MAML2: variants seen among roughly 807,000 people sequenced by gnomAD.
The protein encoded by MAML2 is mastermind like transcriptional coactivator 2, also known as mastermind-like protein 2.
In MAML2, 22 loss-of-function variants were observed where a neutral mutation model predicts 96.1. The ratio of observed to expected loss-of-function variants is 0.23; its 90% CI spans 0.16 to 0.33. The LOEUF (loss-of-function observed/expected upper bound fraction) is 0.33. Ranked by LOEUF, MAML2 falls within the 10% of genes least tolerant of loss-of-function variation. The pLI is 1.00. For synonymous variants in MAML2, 561 were observed against 521.3 expected (o/e 1.08, Z -1.04); for missense variants, 1,367 against 1,392.4 (o/e 0.98, Z 0.29).
At chr11:95,994,432 G>A (rs1857960220) in intron 2 of MAML2, among the ~76,000 whole-genome samples, 2 of 152,292 alleles carry the variant, frequency 1.3e-5, no homozygotes, top group South Asian at 4.2e-4. Context: ...ACAAGTACTT[G>A]AGGGTCATTG....
intron 1 of MAML2, among the ~76,000 whole-genome samples, chr11:96,328,850 T>C (rs1863818968): frequency 6.6e-6 from 1 of 152,196 alleles, no homozygotes; most frequent in Admixed American, 6.5e-5. Context: ...GGCAGTGGAT[T>C]GAATTCCCCT....
At position 96,320,311 on chromosome 11, in the gene MAML2, G is replaced by A. The variant is rs1863683685; in HGVS notation, c.513+21072C>T. Among the ~76,000 whole-genome samples the A allele has an allele frequency of 3.9e-5, 6 of 152,314 alleles. No homozygotes were observed. The South Asian group carries it at 1.2e-3, about 32-fold the overall frequency. On this transcript the variant is annotated intron_variant, in intron 1 of 4. Coordinates refer to ENST00000524717, the MANE Select transcript of MAML2 (RefSeq NM_032427.4). ...GGGTCTGCTGACACACTGGGAGGCT[G>A]GAGTAAGGGAGTCATTAGACATGAA...
chr11:96,093,596 T>A (rs916860328), intron 1 of MAML2, 79 bp from the exon 2 acceptor site: 8 of 1,067,694 alleles, frequency 7.5e-6, no homozygotes, highest in Non-Finnish European at 4.1e-6. Context: ...TGATGTGATA[T>A]TTAAATGTTT....
intron 2 of MAML2, among the ~76,000 whole-genome samples, chr11:96,077,219 C>CTCTCTTTT (rs1555005491): frequency 1.1e-5 from 1 of 94,120 alleles, no homozygotes; most frequent in Non-Finnish European, 2.0e-5. Flanking sequence ...CTCTCTCTCT[C>CTCTCTTTT]TTTTTTTTTT....
At chr11:96,141,268 C>T (rs1468843424) in intron 1 of MAML2, among the ~76,000 whole-genome samples, 1 of 152,030 alleles carries the variant, frequency 6.6e-6, no homozygotes, top group Non-Finnish European at 1.5e-5. Context: ...TGCTGTTTAC[C>T]AGATATTTAA....
chr11:96,098,128 G>T (rs77276673), intron 1 of MAML2, among the ~76,000 whole-genome samples: 2,782 of 152,302 alleles, frequency 0.018, 59 homozygotes, highest in East Asian at 0.096. Context: ...AGGCATTCGG[G>T]ACACAGGGGG....
chr11:96,161,095 A>T (rs1861096821), intron 1 of MAML2, among the ~76,000 whole-genome samples: 1 of 152,226 alleles, frequency 6.6e-6, no homozygotes, highest in South Asian at 2.1e-4. Context: ...GAGTCAATGA[A>T]AAGTAGGAAT....
chr11:96,014,773 T>C (rs1858316944), intron 2 of MAML2, among the ~76,000 whole-genome samples: 1 of 152,228 alleles, frequency 6.6e-6, no homozygotes, highest in African/African-American at 2.4e-5. Context: ...GAACAAAGAC[T>C]TAAATCAATT....
At chr11:96,312,996 A>C (rs1392535869) in intron 1 of MAML2, among the ~76,000 whole-genome samples, 1 of 152,204 alleles carries the variant, frequency 6.6e-6, no homozygotes, top group East Asian at 1.9e-4. Flanking sequence ...TTTCCCCAAA[A>C]AGTGCAGTGT....
At chr11:95,989,517 G>C (rs1259550300) in intron 3 of MAML2, among the ~76,000 whole-genome samples, 1 of 152,158 alleles carries the variant, frequency 6.6e-6, no homozygotes, top group East Asian at 1.9e-4. Flanking sequence ...ATCAACCTCT[G>C]TGTGTTATAA....
rs1057217606 is a variant in MAML2 at position 96,341,363 on chromosome 11, T to A, written c.513+20A>T. The A allele has an allele frequency of 6.7e-7, 1 of 1,497,776 alleles. No individual in the cohort carries two copies. The highest frequency in any genetic ancestry group is 9.0e-7 in the Non-Finnish European group (1 of 1,115,910). 92.8% of individuals were successfully genotyped at this position (1,497,776 alleles called of 1,614,324 possible). On this transcript the variant is annotated intron_variant, in intron 1 of 4. Coordinates refer to ENST00000524717, the MANE Select transcript of MAML2 (RefSeq NM_032427.4). ...GGTCACAGGACCACAGCCAGAACCA[T>A]GAGAAAGCCAGGTGCTTACCGCAAT...
chr11:96,025,753 A>C (rs1400612888), intron 2 of MAML2, among the ~76,000 whole-genome samples: 2 of 152,016 alleles, frequency 1.3e-5, no homozygotes, highest in East Asian at 3.9e-4. Flanking sequence ...AGTAGAGTTG[A>C]GGTTTCACCA....
At chr11:96,020,691 T>G (rs1053615637) in intron 2 of MAML2, among the ~76,000 whole-genome samples, 6 of 152,206 alleles carry the variant, frequency 3.9e-5, no homozygotes, top group Admixed American at 2.0e-4. Flanking sequence ...TAGGGAGTTA[T>G]TGTATGTCTG....
chr11:96,230,927 G>T lies in MAML2; in HGVS notation c.513+110456C>A, dbSNP rs527964829. Among the ~76,000 whole-genome samples, 8 of 152,344 alleles carry T rather than the reference G, an allele frequency of 5.3e-5. No individual in the cohort carries two copies. The South Asian group carries it at 1.7e-3, about 32-fold the overall frequency. ...TAATGTCCTCATGGTCACATGAGATGACTAAATGCTCAGGTCCTGAGCTAC... is the reference window on the plus strand; with the variant it reads ...TAATGTCCTCATGGTCACATGAGATTACTAAATGCTCAGGTCCTGAGCTAC... On this transcript the variant is annotated intron_variant, in intron 1 of 4. Coordinates refer to ENST00000524717, the MANE Select transcript of MAML2 (RefSeq NM_032427.4).
chr11:96,261,013 C>G (rs1862741775), intron 1 of MAML2, among the ~76,000 whole-genome samples: 2 of 152,092 alleles, frequency 1.3e-5, no homozygotes, highest in Admixed American at 1.3e-4. Context: ...CCTGAAACAA[C>G]TTACCATCAT....
At chr11:96,060,713 T>C (rs1008613553) in intron 2 of MAML2, among the ~76,000 whole-genome samples, 3 of 152,204 alleles carry the variant, frequency 2.0e-5, no homozygotes, top group African/African-American at 7.2e-5. Flanking sequence ...TCAATGCTAC[T>C]ACTCCCTGGG....
chr11:96,252,387 TGCAAG>T (rs985160889), intron 1 of MAML2, among the ~76,000 whole-genome samples: 60 of 151,668 alleles, frequency 4.0e-4, no homozygotes, highest in African/African-American at 1.4e-3. Context: ...TGATGTTTTG[TGCAAG>T]GCATTGTTCT....
chr11:96,175,390 A>G lies in MAML2; in HGVS notation c.514-81873T>C, dbSNP rs78608743. Among the ~76,000 whole-genome samples the G allele has an allele frequency of 6.3e-3, 967 of 152,364 alleles. 15 individuals are homozygous for G. The highest frequency in any genetic ancestry group is 0.022 in the African/African-American group (914 of 41,582). On this transcript the variant is annotated intron_variant, in intron 1 of 4. Coordinates refer to ENST00000524717, the MANE Select transcript of MAML2 (RefSeq NM_032427.4). ...TTAATTTTTGTATGATGTGCAAAGCAAACCACTGTAGTAGCCCCTGGCTGC... is the reference window on the plus strand; with the variant it reads ...TTAATTTTTGTATGATGTGCAAAGCGAACCACTGTAGTAGCCCCTGGCTGC...
At chr11:96,122,038 T>C (rs1860356643) in intron 1 of MAML2, among the ~76,000 whole-genome samples, 1 of 138,002 alleles carries the variant, frequency 7.2e-6, no homozygotes, top group East Asian at 2.2e-4. Context: ...TCTCGATCTC[T>C]TGACCTCGTG....
Sources: gnomAD v4.1 joint callset for allele counts (sites outside exome capture counted in the v4.1 genomes callset) on GRCh38, gnomAD v4.1.1 for gene constraint, MANE v1.5 for transcripts, NCBI Gene and HGNC (gene_info 2026-07-23, HGNC 2026-07-21) for gene names.